TNFSF4: variants seen among roughly 807,000 people sequenced by gnomAD.
TNFSF4 encodes tumor necrosis factor ligand superfamily member 4.
A neutral mutation model predicts 7.3 loss-of-function variants in TNFSF4; 4 were observed. That is an observed-to-expected ratio of 0.55 (90% CI 0.27 to 1.25). TNFSF4 has a LOEUF of 1.25. Among genes scored for constraint, TNFSF4 ranks in the 50% most tolerant of loss-of-function variants. The pLI, the probability that TNFSF4 is intolerant of heterozygous loss-of-function variation, is 0.12. For missense variants in TNFSF4, 181 were observed against 208.8 expected, an observed-to-expected ratio of 0.87 and a Z score of 0.82; for synonymous variants, 76 against 83.7, an observed-to-expected ratio of 0.91 and a Z score of 0.50.
the TNFSF4 span, among the ~76,000 whole-genome samples, chr1:173,291,418 T>A: frequency 7.9e-5 from 12 of 151,978 alleles, no homozygotes; most frequent in Non-Finnish European, 1.3e-4. Flanking sequence ...CTAAACTCTA[T>A]CAGGCAGAAA....
chr1:173,406,659 C>T, the TNFSF4 span, among the ~76,000 whole-genome samples: 2 of 152,140 alleles, frequency 1.3e-5, no homozygotes, highest in African/African-American at 4.8e-5. Flanking sequence ...AATATGAAAA[C>T]ATTGTCGTGG....
At chr1:173,175,207 T>A in the TNFSF4 span, 3 of 152,168 alleles carry the variant, frequency 2.0e-5, no homozygotes, top group Non-Finnish European at 4.4e-5. Flanking sequence ...AGACCTACAA[T>A]TAAGTAAAAC....
At chr1:173,343,550 T>G in the TNFSF4 span, among the ~76,000 whole-genome samples, 14,995 of 152,216 alleles carry the variant, frequency 0.099, 871 homozygotes, top group East Asian at 0.27. Flanking sequence ...CCCTTTGCCT[T>G]CCTAACTCAA....
the TNFSF4 span, among the ~76,000 whole-genome samples, chr1:173,220,698 G>C: frequency 6.6e-6 from 1 of 152,112 alleles, no homozygotes; most frequent in Non-Finnish European, 1.5e-5. Context: ...ACAGCAAGAA[G>C]GTGGCTATCT....
the TNFSF4 span, among the ~76,000 whole-genome samples, chr1:173,379,911 A>G: frequency 6.6e-6 from 1 of 152,192 alleles, no homozygotes; most frequent in African/African-American, 2.4e-5. Flanking sequence ...CCAGACTGCA[A>G]TGGTTCTCTG....
the TNFSF4 span, among the ~76,000 whole-genome samples, chr1:173,340,043 CA>C: frequency 6.6e-6 from 1 of 152,064 alleles, no homozygotes; most frequent in African/African-American, 2.4e-5. Flanking sequence ...GAGTGGGCCC[CA>C]CTCTAACAGT....
chr1:173,413,713 T>G, the TNFSF4 span, among the ~76,000 whole-genome samples: 8 of 152,318 alleles, frequency 5.3e-5, 1 homozygote, highest in East Asian at 1.5e-3. Context: ...TTTTGCCAGC[T>G]GGCAGGCCCC....
chr1:173,426,490 A>C, the TNFSF4 span, among the ~76,000 whole-genome samples: 1 of 152,230 alleles, frequency 6.6e-6, no homozygotes. Context: ...GCTGCTTTAC[A>C]TGGTCAAAGG....
chr1:173,423,444 G>A, the TNFSF4 span, among the ~76,000 whole-genome samples: 1 of 152,142 alleles, frequency 6.6e-6, no homozygotes, highest in African/African-American at 2.4e-5. Context: ...ACATGACATA[G>A]AGCCTTTCAT....
upstream of TNFSF4, among the ~76,000 whole-genome samples, chr1:173,209,847 C>T (rs1297719796): frequency 1.3e-5 from 2 of 152,096 alleles, no homozygotes; most frequent in African/African-American, 4.8e-5. Context: ...TACATAAGCA[C>T]ACCAGAGCAA....
the TNFSF4 span, among the ~76,000 whole-genome samples, chr1:173,348,614 CA>C: frequency 6.6e-6 from 1 of 151,984 alleles, no homozygotes; most frequent in African/African-American, 2.4e-5. Context: ...CCAACAAAGC[CA>C]AAAGCTAGTC....
chr1:173,443,766 C>T, the TNFSF4 span, among the ~76,000 whole-genome samples: 1 of 152,126 alleles, frequency 6.6e-6, no homozygotes, highest in African/African-American at 2.4e-5. Flanking sequence ...CCTTGCTCCA[C>T]CAATATCATA....
At chr1:173,231,236 G>A in the TNFSF4 span, among the ~76,000 whole-genome samples, 96 of 152,300 alleles carry the variant, frequency 6.3e-4, no homozygotes, top group African/African-American at 2.1e-3. Flanking sequence ...ATATCAAAGA[G>A]CTTATCCACC....
the TNFSF4 span, among the ~76,000 whole-genome samples, chr1:173,325,692 C>T: frequency 2.6e-5 from 4 of 152,150 alleles, no homozygotes; most frequent in African/African-American, 7.2e-5. Context: ...ATATCACCAC[C>T]GATCCCACAG....
the TNFSF4 span, among the ~76,000 whole-genome samples, chr1:173,287,156 G>A: frequency 6.6e-6 from 1 of 151,764 alleles, no homozygotes; most frequent in African/African-American, 2.4e-5. Flanking sequence ...GATGCCCCCT[G>A]ATGTCTCCAC....
chr1:173,334,272 G>A, the TNFSF4 span, among the ~76,000 whole-genome samples: 667 of 152,238 alleles, frequency 4.4e-3, 4 homozygotes, highest in Non-Finnish European at 7.7e-3. Flanking sequence ...GCAATAGGGA[G>A]ACACAAAATA....
the TNFSF4 span, among the ~76,000 whole-genome samples, chr1:173,251,134 C>T: frequency 2.0e-5 from 3 of 152,118 alleles, no homozygotes; most frequent in African/African-American, 7.2e-5. Context: ...AAAATGAAGG[C>T]ACAAATACAG....
the TNFSF4 span, among the ~76,000 whole-genome samples, chr1:173,408,596 G>A: frequency 6.7e-6 from 1 of 149,086 alleles, no homozygotes; most frequent in Non-Finnish European, 1.5e-5. Context: ...GAATGGAGTT[G>A]TTTTTTTTTT....
chr1:173,439,073 G>A, the TNFSF4 span, among the ~76,000 whole-genome samples: 53,901 of 152,030 alleles, frequency 0.35, 10,440 homozygotes, highest in East Asian at 0.6. Context: ...GTATGCCAAC[G>A]GCCAGAAGCT....
Sources: allele counts gnomAD v4.1 joint callset (sites outside exome capture counted in the v4.1 genomes callset), GRCh38; gene constraint gnomAD v4.1.1; transcripts MANE v1.5; gene names NCBI Gene and HGNC (gene_info 2026-07-23, HGNC 2026-07-21).